Variants in DGKI observed in about 807,000 individuals in gnomAD.
DGKI encodes the protein DAG kinase iota.
A neutral mutation model predicts 147.5 loss-of-function variants in DGKI; 55 were observed. The ratio of observed to expected loss-of-function variants is 0.37; its 90% CI spans 0.30 to 0.47. The LOEUF (loss-of-function observed/expected upper bound fraction) is 0.47, where lower values mean the gene tolerates loss of function less well. DGKI is among the 20% of genes least tolerant of loss of function. The pLI is 1.00. For synonymous variants in DGKI, 469 were observed against 477.1 expected, an observed-to-expected ratio of 0.98 and a Z score of 0.22; for missense variants, 1,007 against 1,323.8, an observed-to-expected ratio of 0.76 and a Z score of 3.71.
intron 6 of DGKI, among the ~76,000 whole-genome samples, chr7:137,645,194 CAAAACAGTCATGTTTTCA>C (rs1821781580): frequency 1.3e-5 from 2 of 152,336 alleles, no homozygotes; most frequent in South Asian, 4.1e-4. Flanking sequence ...GGCATTTTCA[CAAAACAGTCATGTTTTCA>C]AAAATCATCA....
intron 28 of DGKI, among the ~76,000 whole-genome samples, chr7:137,435,284 C>T (rs1813237779): frequency 6.6e-6 from 1 of 152,114 alleles, no homozygotes; most frequent in Non-Finnish European, 1.5e-5. Context: ...CTCAAAAAAA[C>T]AAAACAGGCA....
chr7:137,813,606 C>T (rs1797654995), intron 1 of DGKI, among the ~76,000 whole-genome samples: 1 of 152,218 alleles, frequency 6.6e-6, no homozygotes, highest in African/African-American at 2.4e-5. Context: ...CTTCCTCCAC[C>T]TCAGAGGAAT....
intron 1 of DGKI, among the ~76,000 whole-genome samples, chr7:137,829,694 A>G (rs1348602794): frequency 6.6e-6 from 1 of 152,224 alleles, no homozygotes; most frequent in African/African-American, 2.4e-5. Context: ...TACTTAAAAT[A>G]GGAAAATGCT....
intron 20 of DGKI, among the ~76,000 whole-genome samples, chr7:137,538,945 C>T (rs1046288652): frequency 3.3e-5 from 5 of 152,190 alleles, no homozygotes; most frequent in Non-Finnish European, 5.9e-5. Flanking sequence ...CAAAAGGGGA[C>T]ACCAGGAGCA....
chr7:137,631,045 T>C (rs1821107023), intron 6 of DGKI, among the ~76,000 whole-genome samples: 1 of 152,262 alleles, frequency 6.6e-6, no homozygotes, highest in Non-Finnish European at 1.5e-5. Flanking sequence ...ATAGGATTGA[T>C]GTTAACAGAG....
intron 1 of DGKI, among the ~76,000 whole-genome samples, chr7:137,725,532 C>G (rs1371010764): frequency 6.7e-6 from 1 of 150,238 alleles, no homozygotes; most frequent in African/African-American, 2.5e-5. Flanking sequence ...GTCCTCTCAG[C>G]ATGAAAAAGA....
intron 10 of DGKI, among the ~76,000 whole-genome samples, chr7:137,605,037 T>C (rs1820127077): frequency 6.6e-6 from 1 of 152,076 alleles, no homozygotes; most frequent in African/African-American, 2.4e-5. Flanking sequence ...AATTTTTGGC[T>C]GGGCACAGTG....
chr7:137,610,513 T>C (rs1327151189), intron 8 of DGKI, among the ~76,000 whole-genome samples: 2 of 152,294 alleles, frequency 1.3e-5, no homozygotes, highest in African/African-American at 4.8e-5. Flanking sequence ...AAAAACAGAT[T>C]TAATTAGTGG....
chr7:137,587,230 C>T lies in DGKI; in HGVS notation c.1312-20G>A. On this transcript the variant is annotated intron_variant, in intron 12 of 32. Coordinates refer to ENST00000614521, the MANE Select transcript of DGKI (RefSeq NM_001321708.2). ...GCCCACCTACAGGCGTATCGGGGGC[C>T]AGAAGAGATATAAGAAAGATAAATA... is the stretch of plus-strand genomic sequence containing the variant. The T allele has an allele frequency of 6.4e-7, 1 of 1,568,208 alleles. No individual in the cohort carries two copies. The highest frequency in any genetic ancestry group is 8.7e-7 in the Non-Finnish European group (1 of 1,155,214).
chr7:137,690,912 G>C (rs983462104), intron 1 of DGKI, among the ~76,000 whole-genome samples: 3 of 152,208 alleles, frequency 2.0e-5, no homozygotes, highest in Admixed American at 6.5e-5. Flanking sequence ...AACCGTGGAA[G>C]TTCAATTTCT....
chr7:137,398,160 C>T (rs145629652), intron 30 of DGKI, among the ~76,000 whole-genome samples: 1 of 152,326 alleles, frequency 6.6e-6, no homozygotes, highest in African/African-American at 2.4e-5. Context: ...TTATTAAACA[C>T]CTGCCTATAC....
intron 3 of DGKI, among the ~76,000 whole-genome samples, chr7:137,670,873 C>T (rs1822820356): frequency 6.6e-6 from 1 of 152,210 alleles, no homozygotes; most frequent in African/African-American, 2.4e-5. Context: ...GCAGGAGCAA[C>T]ATGCAGGCAG....
At chr7:137,806,655 G>A (rs1028090669) in intron 1 of DGKI, among the ~76,000 whole-genome samples, 3 of 151,986 alleles carry the variant, frequency 2.0e-5, no homozygotes, top group South Asian at 2.1e-4. Context: ...GGATGGTCTC[G>A]ATCTCCTGAC....
intron 1 of DGKI, among the ~76,000 whole-genome samples, chr7:137,759,260 G>A (rs1795779732): frequency 6.6e-6 from 1 of 151,694 alleles, no homozygotes; most frequent in African/African-American, 2.4e-5. Context: ...AGTTCACTGA[G>A]ACAATGGCCT....
At chr7:137,662,240 C>CTTTTTTTT (rs1170356266) in intron 3 of DGKI, among the ~76,000 whole-genome samples, 21 of 126,432 alleles carry the variant, frequency 1.7e-4, no homozygotes, top group African/African-American at 4.9e-4. Flanking sequence ...CAGCACACTC[C>CTTTTTTTT]TTTTTTTTTT....
At chr7:137,548,432 C>T (rs886098402) in intron 20 of DGKI, among the ~76,000 whole-genome samples, 1 of 152,060 alleles carries the variant, frequency 6.6e-6, no homozygotes, top group Non-Finnish European at 1.5e-5. Flanking sequence ...ACCTGGTGCC[C>T]TCCTTGAGGT....
chr7:137,711,684 CTT>C (rs71177918), intron 1 of DGKI, among the ~76,000 whole-genome samples: 19 of 79,734 alleles, frequency 2.4e-4, no homozygotes, highest in African/African-American at 5.7e-4. Context: ...GGGATACCAA[CTT>C]TTTTTTTTTT....
At chr7:137,419,241 T>C (rs1812470831) in intron 28 of DGKI, among the ~76,000 whole-genome samples, 1 of 152,236 alleles carries the variant, frequency 6.6e-6, no homozygotes, top group African/African-American at 2.4e-5. Context: ...TTTACAGTTT[T>C]AAGGCCCAAC....
intron 6 of DGKI, among the ~76,000 whole-genome samples, chr7:137,642,502 C>T (rs1821666182): frequency 6.6e-6 from 1 of 152,188 alleles, no homozygotes; most frequent in Admixed American, 6.5e-5. Context: ...CCTCATTAAA[C>T]TCTCATCAAA....
Sources: gnomAD v4.1 joint callset for allele counts (sites outside exome capture counted in the v4.1 genomes callset) on GRCh38, gnomAD v4.1.1 for gene constraint, MANE v1.5 for transcripts, NCBI Gene and HGNC (gene_info 2026-07-23, HGNC 2026-07-21) for gene names.